Variants in DLG2 observed in about 807,000 individuals in gnomAD.
DLG2 encodes the protein disks large homolog 2.
Under a neutral mutation model 132.5 loss-of-function variants are expected in DLG2, and 45 were observed. The ratio of observed to expected loss-of-function variants is 0.34; its 90% CI spans 0.27 to 0.44. DLG2 has a LOEUF of 0.44. Among genes scored for constraint, DLG2 ranks in the 20% least tolerant of loss-of-function variants. The pLI is 1.00. For missense variants in DLG2, 1,045 were observed against 1,196.9 expected (o/e 0.87, Z 1.87); for synonymous variants, 424 against 419.6 (o/e 1.01, Z -0.13).
intron 15 of DLG2, among the ~76,000 whole-genome samples, chr11:83,914,840 G>A (rs566957971): frequency 8.5e-5 from 13 of 152,260 alleles, no homozygotes; most frequent in Admixed American, 4.6e-4. Context: ...CGGTAGGTAT[G>A]TATGTCTGGA....
chr11:84,083,504 G>T (rs1430486474), intron 10 of DLG2, among the ~76,000 whole-genome samples: 2 of 152,198 alleles, frequency 1.3e-5, no homozygotes, highest in African/African-American at 4.8e-5. Context: ...CAATGCAACA[G>T]TGTTGGGAGG....
At chr11:84,208,786 G>T (rs2096712022) in intron 8 of DLG2, among the ~76,000 whole-genome samples, 1 of 152,172 alleles carries the variant, frequency 6.6e-6, no homozygotes, top group South Asian at 2.1e-4. Flanking sequence ...GTTTATCATA[G>T]GGATTAAGGT....
chr11:85,216,836 C>T (rs2082641722), intron 4 of DLG2, among the ~76,000 whole-genome samples: 1 of 151,888 alleles, frequency 6.6e-6, no homozygotes, highest in South Asian at 2.1e-4. Flanking sequence ...GCTGGGATTA[C>T]AGGCACCTGC....
chr11:83,813,450 G>T (rs117504436), intron 17 of DLG2, among the ~76,000 whole-genome samples: 4,277 of 152,192 alleles, frequency 0.028, 89 homozygotes, highest in Middle Eastern at 0.082. Flanking sequence ...CTAAATGCCT[G>T]CAGATGGTCA....
intron 19 of DLG2, among the ~76,000 whole-genome samples, chr11:83,621,031 T>G (rs2061559830): frequency 6.6e-6 from 1 of 152,038 alleles, no homozygotes; most frequent in Non-Finnish European, 1.5e-5. Context: ...AATATGGAGA[T>G]CTATCTAGTG....
At chr11:84,217,705 G>T (rs2096855032) in intron 8 of DLG2, among the ~76,000 whole-genome samples, 2 of 152,158 alleles carry the variant, frequency 1.3e-5, no homozygotes, top group Non-Finnish European at 2.9e-5. Context: ...ATTCCATGCT[G>T]GATTGCTCAG....
At chr11:83,615,592 C>T (rs959155303) in intron 19 of DLG2, among the ~76,000 whole-genome samples, 3 of 152,198 alleles carry the variant, frequency 2.0e-5, no homozygotes, top group African/African-American at 7.2e-5. Flanking sequence ...CCTGGATTAT[C>T]CTTCGTGGAT....
intron 3 of DLG2, among the ~76,000 whole-genome samples, chr11:85,435,339 G>A (rs545041039): frequency 3.3e-5 from 5 of 152,140 alleles, no homozygotes; most frequent in South Asian, 2.1e-4. Flanking sequence ...ATAAATAAAC[G>A]GTACTCAAAT....
intron 6 of DLG2, among the ~76,000 whole-genome samples, chr11:85,065,941 G>C (rs1008900498): frequency 6.6e-6 from 1 of 151,326 alleles, no homozygotes; most frequent in Non-Finnish European, 1.5e-5. Flanking sequence ...CCCAAAGCTA[G>C]CTTAAGAAAG....
chr11:84,502,210 C>T (rs1245203154), intron 7 of DLG2, among the ~76,000 whole-genome samples: 2 of 14,156 alleles, frequency 1.4e-4, no homozygotes, highest in African/African-American at 2.1e-3. Flanking sequence ...CTCCTTCCTT[C>T]CTTCCTTCCT....
intron 14 of DLG2, among the ~76,000 whole-genome samples, chr11:83,943,081 C>T (rs571409166): frequency 4.6e-5 from 7 of 152,186 alleles, no homozygotes; most frequent in Non-Finnish European, 1.0e-4. Context: ...TCCTTGCCTT[C>T]TGCCATGATT....
intron 3 of DLG2, among the ~76,000 whole-genome samples, chr11:85,285,647 A>C (rs1014503074): frequency 7.9e-5 from 12 of 152,050 alleles, no homozygotes; most frequent in Admixed American, 2.0e-4. Flanking sequence ...TTCAGTAATA[A>C]GGAATGAGCT....
In DLG2 at chr11:84,908,540, C is replaced by G. The variant is rs144842074; in HGVS notation, c.357+203121G>C. 6.5e-4 allele frequency among the ~76,000 whole-genome samples: 99 copies of G among 152,106 alleles called. 1 individual carries two copies. The highest frequency in any genetic ancestry group is 2.3e-3 in the African/African-American group (94 of 41,536). ...TTAGACTTGAAATTTATTGTTATGG[C>G]TGAATTTGATACAGATTTTTAAGGC... On this transcript the variant is annotated intron_variant, in intron 6 of 27. Transcript: ENST00000376104.
intron 6 of DLG2, among the ~76,000 whole-genome samples, chr11:84,965,350 C>T (rs898029781): frequency 6.6e-6 from 1 of 151,966 alleles, no homozygotes; most frequent in Non-Finnish European, 1.5e-5. Flanking sequence ...CTTTAGATTG[C>T]ACCCTCCACT....
At chr11:84,419,020 G>A (rs1424821256) in intron 7 of DLG2, among the ~76,000 whole-genome samples, 3 of 151,920 alleles carry the variant, frequency 2.0e-5, no homozygotes, top group Non-Finnish European at 4.4e-5. Context: ...ACTCCTTAAG[G>A]GCAAATGTTC....
At position 84,127,631 on chromosome 11, in the gene DLG2, C is replaced by T. The variant is rs150419816; in HGVS notation, c.625-28584G>A. On this transcript the variant is annotated intron_variant, in intron 9 of 27. Coordinates refer to ENST00000376104, the MANE Select transcript of DLG2 (RefSeq NM_001142699.3). ...CCTTTTTTCTGTACAGACAAGGTCT[C>T]ACTATGCGGCCCAGGCTGCCTCCAA... Among the ~76,000 whole-genome samples the T allele has an allele frequency of 3.0e-3, 457 of 152,244 alleles. 3 individuals are homozygous for T. Among genetic ancestry groups the T allele is most frequent in the African/African-American group, 0.01 (434 of 41,526 alleles).
chr11:84,844,479 G>A (rs750356893), intron 6 of DLG2, among the ~76,000 whole-genome samples: 11 of 151,790 alleles, frequency 7.2e-5, no homozygotes, highest in East Asian at 1.9e-4. Flanking sequence ...TCAAGTACCT[G>A]TATTCTCTCT....
intron 15 of DLG2, among the ~76,000 whole-genome samples, chr11:83,921,509 A>T (rs2077902749): frequency 6.6e-6 from 1 of 152,202 alleles, no homozygotes; most frequent in Non-Finnish European, 1.5e-5. Flanking sequence ...GGTACATATA[A>T]AACTTCTGGA....
chr11:84,387,694 A>G (rs568915714), intron 7 of DLG2, among the ~76,000 whole-genome samples: 3 of 152,312 alleles, frequency 2.0e-5, no homozygotes, highest in East Asian at 1.9e-4. Flanking sequence ...CTTTATCAAC[A>G]TAATTTGTAT....
Sources: gnomAD v4.1 joint callset for allele counts (sites outside exome capture counted in the v4.1 genomes callset) on GRCh38, gnomAD v4.1.1 for gene constraint, MANE v1.5 for transcripts, NCBI Gene and HGNC (gene_info 2026-07-23, HGNC 2026-07-21) for gene names.